Variants in PCDHA4 observed in about 807,000 individuals in gnomAD.
PCDHA4 encodes the protein protocadherin alpha-4.
In PCDHA4, 49 loss-of-function variants were observed where a neutral mutation model predicts 61.4. The ratio of observed to expected loss-of-function variants is 0.80; its 90% confidence interval spans 0.63 to 1.01. The LOEUF is 1.01. Ranked by LOEUF, PCDHA4 falls within the 50% of genes least tolerant of loss-of-function variation. PCDHA4 has a pLI of 0.00. For missense variants in PCDHA4, 1,254 were observed against 1,235.8 expected, an observed-to-expected ratio of 1.01 and a Z score of -0.22; for synonymous variants, 590 against 550.3, an observed-to-expected ratio of 1.07 and a Z score of -1.01.
At chr5:140,871,523 G>T in intron 1 of PCDHA4, 1 of 1,546,536 alleles carries the variant, frequency 6.5e-7, no homozygotes, top group Non-Finnish European at 8.7e-7. Context: ...CCACCTATCA[G>T]GAAGTGTATG....
chr5:140,862,882 G>T (rs782187514), intron 1 of PCDHA4: 2 of 564,526 alleles, frequency 3.5e-6, no homozygotes, highest in Non-Finnish European at 6.8e-6. Flanking sequence ...TATTAGTGCT[G>T]GAACGACAAC....
intron 2 of PCDHA4, among the ~76,000 whole-genome samples, chr5:140,981,379 G>A (rs1387904235): frequency 1.3e-5 from 2 of 152,152 alleles, no homozygotes; most frequent in Admixed American, 1.3e-4. Flanking sequence ...TTCAAGACCA[G>A]CCTGGTCAAT....
intron 1 of PCDHA4, chr5:140,856,196 G>T: frequency 6.3e-7 from 1 of 1,598,194 alleles, no homozygotes; most frequent in Non-Finnish European, 8.6e-7. Flanking sequence ...CATCGCGCAG[G>T]ACCTGGGGCT....
intron 1 of PCDHA4, chr5:140,830,558 T>C: frequency 9.8e-7 from 1 of 1,015,990 alleles, no homozygotes; most frequent in Non-Finnish European, 1.3e-6. Context: ...ATTTGTCTTC[T>C]ATATTTCTGT....
intron 3 of PCDHA4, among the ~76,000 whole-genome samples, chr5:140,984,430 A>T (rs1236503699): frequency 6.6e-6 from 1 of 152,080 alleles, no homozygotes; most frequent in East Asian, 1.9e-4. Flanking sequence ...AGAGAAGGGG[A>T]TCTCCCTTGT....
chr5:140,871,329 C>T (rs1164407502), intron 1 of PCDHA4: 3 of 1,614,060 alleles, frequency 1.9e-6, no homozygotes, highest in African/African-American at 2.7e-5. Flanking sequence ...TGTGCTCCCG[C>T]GCGGTGGGGA....
intron 1 of PCDHA4, chr5:140,877,906 A>C: frequency 7.0e-7 from 1 of 1,435,008 alleles, no homozygotes; most frequent in Non-Finnish European, 9.2e-7. Flanking sequence ...TTATAACTAC[A>C]TTCTCTCATT....
chr5:140,899,191 C>G (rs1583332627), intron 1 of PCDHA4, among the ~76,000 whole-genome samples: 2 of 151,090 alleles, frequency 1.3e-5, no homozygotes, highest in Non-Finnish European at 3.0e-5. Flanking sequence ...TTTCCTTCTC[C>G]TGCCTAATTG....
intron 1 of PCDHA4, chr5:140,830,654 A>G (rs1554132964): frequency 4.6e-6 from 2 of 436,460 alleles, no homozygotes; most frequent in East Asian, 4.6e-5. Context: ...TTTAATATTC[A>G]TAATTTAAGT....
rs1554124649 is a variant in PCDHA4, at chr5:140,808,603, C to T, written c.1416C>T (p.Cys472=). ...VFVKENNPPG[C]HIFTVSAWDA... is the part of the protein sequence containing the mutation. ...TGAAGGAGAACAACCCGCCGGGCTGCCACATCTTCACTGTGTCTGCGTGGG... is the reference window on the plus strand; with the variant it reads ...TGAAGGAGAACAACCCGCCGGGCTGTCACATCTTCACTGTGTCTGCGTGGG... Residue 472 remains cysteine, a synonymous_variant, in exon 1 of 4, where the codon TGC becomes TGT. Transcript: ENST00000530339. 6.2e-7 allele frequency: 1 copy of T among 1,613,880 alleles called. No homozygotes were observed. The highest frequency in any genetic ancestry group is 8.5e-7 in the Non-Finnish European group (1 of 1,179,956).
At chr5:140,888,610 A>G (rs1180344966) in intron 1 of PCDHA4, among the ~76,000 whole-genome samples, 1 of 152,210 alleles carries the variant, frequency 6.6e-6, no homozygotes, top group African/African-American at 2.4e-5. Context: ...CTTTTAGTGT[A>G]GCACTAATTC....
At chr5:140,822,230 C>T (rs1767239116) in intron 1 of PCDHA4, 2 of 1,614,084 alleles carry the variant, frequency 1.2e-6, no homozygotes, top group Non-Finnish European at 8.5e-7. Flanking sequence ...TCGCGGTTTC[C>T]GCTAGAGGGC....
chr5:140,882,438 C>T (rs782795158), intron 1 of PCDHA4: 5 of 1,614,020 alleles, frequency 3.1e-6, no homozygotes, highest in Non-Finnish European at 4.2e-6. Context: ...CTGGAGCTGG[C>T]GGAGCTGGTG....
At chr5:140,856,540 C>A (rs1554148838) in intron 1 of PCDHA4, 1 of 1,598,162 alleles carries the variant, frequency 6.3e-7, no homozygotes, top group African/African-American at 1.3e-5. Context: ...TTGGAGAGAA[C>A]GCATTGCTTA....
In PCDHA4 at chr5:140,876,046, C is replaced by T. The variant is rs781957967; in HGVS notation, c.2385+66474C>T. 1.5e-5 allele frequency: 24 copies of T among 1,613,720 alleles called. No individual in the cohort carries two copies. The Admixed American group carries it at 1.7e-4, about 11-fold the overall frequency. Reference sequence around the variant, plus strand: ...AACAAAAAAAGATAAAAGTATATTGCCTGAATTAGTTCTTCGGAAGTTATT... The same window carrying T: ...AACAAAAAAAGATAAAAGTATATTGTCTGAATTAGTTCTTCGGAAGTTATT... On this transcript the variant is annotated intron_variant, in intron 1 of 3. Transcript: ENST00000530339.
chr5:140,899,717 C>T (rs2153464993), intron 1 of PCDHA4, among the ~76,000 whole-genome samples: 1 of 152,322 alleles, frequency 6.6e-6, no homozygotes, highest in South Asian at 2.1e-4. Context: ...GGAGGATTCC[C>T]TCTTTTTCTA....
chr5:140,985,338 A>G (rs2153836548), intron 3 of PCDHA4, among the ~76,000 whole-genome samples: 1 of 152,280 alleles, frequency 6.6e-6, no homozygotes, highest in South Asian at 2.1e-4. Flanking sequence ...TCTCATTTGC[A>G]GGCCCAGATA....
rs1562279471 is a variant in PCDHA4 at position 140,824,615 on chromosome 5, T to TTTTTTTTTG, written c.2385+15051_2385+15052insGTTTTTTTT. 4.8e-5 allele frequency: 6 copies of TTTTTTTTTG among 126,010 alleles called. No homozygotes were observed. In the East Asian group the frequency reaches 8.2e-4, roughly 17 times the overall value. The allele number at this position is 126,010 out of a possible 1,614,324, so 7.8% of individuals were successfully genotyped here. ...ACATGCACATGCTAATTAAAGTTTT[T>TTTTTTTTTG]TTTTTTTTTTTTTTTTTATTTTCTG... On this transcript the variant is annotated intron_variant, in intron 1 of 3. Transcript: ENST00000530339.
At chr5:140,857,963 A>G (rs630162) in intron 1 of PCDHA4, 997,914 of 1,595,004 alleles carry the variant, frequency 0.63, 344,648 homozygotes, top group African/African-American at 0.69. Context: ...TCTGGATGAG[A>G]CTGACTCGCC....
Sources: allele counts gnomAD v4.1 joint callset (sites outside exome capture counted in the v4.1 genomes callset), GRCh38; gene constraint gnomAD v4.1.1; transcripts MANE v1.5; gene names NCBI Gene and HGNC (gene_info 2026-07-23, HGNC 2026-07-21).